Variants in LYPD6B observed in about 807,000 individuals in gnomAD.
LYPD6B encodes LY6/PLAUR domain containing 6B.
LYPD6B carries 17 observed loss-of-function variants against 22.8 expected under a neutral mutation model. That is an observed-to-expected ratio of 0.75 (90% CI 0.51 to 1.12). The LOEUF is 1.12. Among genes scored for constraint, LYPD6B ranks in the 50% most tolerant of loss-of-function variants. LYPD6B has a pLI of 0.00. For missense variants in LYPD6B, 221 were observed against 258.3 expected (o/e 0.86, Z 0.99); for synonymous variants, 106 against 91.6 (o/e 1.16, Z -0.90).
chr2:149,064,091 G>T (rs1448587808), intron 1 of LYPD6B, among the ~76,000 whole-genome samples: 1 of 152,162 alleles, frequency 6.6e-6, no homozygotes, highest in Non-Finnish European at 1.5e-5. Context: ...TATACTGATT[G>T]TTTTTTATAC....
chr2:149,173,738 C>T (rs1431176055), intron 3 of LYPD6B, among the ~76,000 whole-genome samples: 1 of 152,138 alleles, frequency 6.6e-6, no homozygotes, highest in East Asian at 1.9e-4. Context: ...TGATACACAT[C>T]CTGGACCTAA....
At chr2:149,140,625 TCC>T (rs1688638524) in intron 2 of LYPD6B, among the ~76,000 whole-genome samples, 1 of 152,188 alleles carries the variant, frequency 6.6e-6, no homozygotes, top group Non-Finnish European at 1.5e-5. Flanking sequence ...TTTAAGCTTA[TCC>T]TTGCATTTAG....
chr2:149,061,791 C>G (rs1290038528), intron 1 of LYPD6B, among the ~76,000 whole-genome samples: 1 of 152,086 alleles, frequency 6.6e-6, no homozygotes, highest in Non-Finnish European at 1.5e-5. Context: ...ATAGGGTATA[C>G]TTTTCTATTT....
At chr2:149,061,603 C>T (rs528604530) in intron 1 of LYPD6B, among the ~76,000 whole-genome samples, 38 of 152,174 alleles carry the variant, frequency 2.5e-4, no homozygotes, top group Middle Eastern at 6.8e-3. Context: ...TCTCAGTTCT[C>T]CTGGATTCCC....
intron 1 of LYPD6B, among the ~76,000 whole-genome samples, chr2:149,087,697 A>G (rs1165294483): frequency 4.6e-5 from 7 of 152,200 alleles, no homozygotes; most frequent in Admixed American, 2.0e-4. Flanking sequence ...AGCTAGCAGA[A>G]TCGGGACCTG....
At chr2:149,095,328 A>C (rs190485457) in intron 1 of LYPD6B, among the ~76,000 whole-genome samples, 346 of 152,280 alleles carry the variant, frequency 2.3e-3, no homozygotes, top group Middle Eastern at 0.02. Flanking sequence ...ATAAAGGCAA[A>C]AGTTGGAAGG....
chr2:149,119,541 C>T (rs116111470), intron 1 of LYPD6B, among the ~76,000 whole-genome samples: 287 of 152,316 alleles, frequency 1.9e-3, no homozygotes, highest in African/African-American at 6.7e-3. Context: ...ACGATGAACT[C>T]AGTTGACGGT....
intron 3 of LYPD6B, among the ~76,000 whole-genome samples, chr2:149,203,344 T>C (rs944268459): frequency 6.6e-6 from 1 of 152,160 alleles, no homozygotes; most frequent in Non-Finnish European, 1.5e-5. Flanking sequence ...TACTGGAACA[T>C]AGTCCTTCTG....
At chr2:149,083,747 T>G (rs1431663093) in intron 1 of LYPD6B, among the ~76,000 whole-genome samples, 1 of 152,140 alleles carries the variant, frequency 6.6e-6, no homozygotes, top group Non-Finnish European at 1.5e-5. Context: ...ATATTACTGA[T>G]GTTGAGCTGA....
intron 1 of LYPD6B, among the ~76,000 whole-genome samples, chr2:149,091,948 G>A (rs1685671067): frequency 6.6e-6 from 1 of 152,002 alleles, no homozygotes; most frequent in African/African-American, 2.4e-5. Flanking sequence ...TGATTCTATG[G>A]GAATCTGGGC....
intron 3 of LYPD6B, among the ~76,000 whole-genome samples, chr2:149,196,481 T>C (rs1469959780): frequency 6.6e-6 from 1 of 152,230 alleles, no homozygotes; most frequent in Non-Finnish European, 1.5e-5. Flanking sequence ...GTGGGGGCTT[T>C]ATAAACAATG....
intron 3 of LYPD6B, among the ~76,000 whole-genome samples, chr2:149,170,924 G>A (rs1009858494): frequency 6.6e-5 from 10 of 152,094 alleles, no homozygotes; most frequent in African/African-American, 2.2e-4. Context: ...GAGCTTCTTG[G>A]GGCAGGAACT....
rs182914455 is a variant in LYPD6B at position 149,074,486 on chromosome 2, T to C, written c.-67+35685T>C. ...GGTGATAGGAAGTTCTCTGAGGTTT[T>C]CTCCCTGCTTCCAGCAACACGAACC... On this transcript the variant is annotated intron_variant, in intron 1 of 6. Transcript: ENST00000409642. 1.9e-3 allele frequency among the ~76,000 whole-genome samples: 284 copies of C among 152,308 alleles called. 2 individuals carry two copies. Among genetic ancestry groups the C allele is most frequent in the Middle Eastern group, 0.014 (4 of 294 alleles).
At chr2:149,134,347 AGTT>A (rs757692414) in intron 2 of LYPD6B, among the ~76,000 whole-genome samples, 102 of 152,294 alleles carry the variant, frequency 6.7e-4, no homozygotes, top group Non-Finnish European at 9.9e-4. Flanking sequence ...TTATTAAAGC[AGTT>A]GTTGTTGTTG....
intron 5 of LYPD6B, 102 bp downstream of exon 5, chr2:149,208,514 C>T (rs746888469): frequency 2.9e-5 from 27 of 932,042 alleles, no homozygotes; most frequent in Non-Finnish European, 4.2e-5. Flanking sequence ...TTTTCTGAGA[C>T]TATCCGGACA....
intron 3 of LYPD6B, among the ~76,000 whole-genome samples, chr2:149,180,612 C>T (rs1025313547): frequency 6.6e-6 from 1 of 152,202 alleles, no homozygotes; most frequent in Non-Finnish European, 1.5e-5. Context: ...GCATCCTAAG[C>T]TTAATTTGTG....
At chr2:149,112,502 T>C (rs1686806327) in intron 1 of LYPD6B, among the ~76,000 whole-genome samples, 1 of 152,106 alleles carries the variant, frequency 6.6e-6, no homozygotes, top group Admixed American at 6.5e-5. Flanking sequence ...AAAATAATAT[T>C]ATATGGTAGA....
chr2:149,064,502 G>A (rs983514223), intron 1 of LYPD6B, among the ~76,000 whole-genome samples: 3 of 152,192 alleles, frequency 2.0e-5, no homozygotes, highest in Non-Finnish European at 4.4e-5. Flanking sequence ...TACAATTCCT[G>A]TGAGCATCTT....
chr2:149,050,582 A>T (rs1438153385), intron 1 of LYPD6B, among the ~76,000 whole-genome samples: 3 of 152,178 alleles, frequency 2.0e-5, no homozygotes, highest in Admixed American at 6.5e-5. Flanking sequence ...TTTTTAGGCA[A>T]CTACAGGAAA....
Sources: allele counts gnomAD v4.1 joint callset (sites outside exome capture counted in the v4.1 genomes callset), GRCh38; gene constraint gnomAD v4.1.1; transcripts MANE v1.5; gene names NCBI Gene and HGNC (gene_info 2026-07-23, HGNC 2026-07-21).